Variants in PBX1 observed in about 807,000 individuals in gnomAD.
PBX1 encodes the protein PBX homeobox 1.
PBX1 carries 6 observed loss-of-function variants against 53.4 expected under a neutral mutation model. That is an observed-to-expected ratio of 0.11 (90% CI 0.06 to 0.22). The LOEUF (loss-of-function observed/expected upper bound fraction) is 0.22, where lower values mean the gene tolerates loss of function less well. Ranked by LOEUF, PBX1 falls within the 10% of genes least tolerant of loss-of-function variation. PBX1 has a pLI of 1.00. For synonymous variants in PBX1, 204 were observed against 212.3 expected (o/e 0.96, Z 0.34); for missense variants, 251 against 551.4 (o/e 0.46, Z 5.46).
chr1:164,725,736 A>C (rs940089792), intron 2 of PBX1, among the ~76,000 whole-genome samples: 1 of 152,162 alleles, frequency 6.6e-6, no homozygotes, highest in Non-Finnish European at 1.5e-5. Context: ...TTATGCTCCT[A>C]TAATGTCTGG....
chr1:164,781,409 A>G (rs1193704976), intron 2 of PBX1, among the ~76,000 whole-genome samples: 1 of 152,146 alleles, frequency 6.6e-6, no homozygotes, highest in South Asian at 2.1e-4. Flanking sequence ...TTATTAGTAT[A>G]GTGTAAGGAA....
downstream of PBX1, among the ~76,000 whole-genome samples, chr1:164,854,543 G>A (rs1458094051): frequency 2.0e-5 from 3 of 152,132 alleles, no homozygotes; most frequent in Non-Finnish European, 4.4e-5. Flanking sequence ...GCTTTGGGGA[G>A]TTCCCTCTCA....
intron 6 of PBX1, chr1:164,819,097 T>C (rs1175103587): frequency 6.6e-6 from 1 of 152,226 alleles, no homozygotes; most frequent in East Asian, 1.9e-4. Context: ...CGTTGAGCTT[T>C]CTTTCCTAAT....
intron 2 of PBX1, among the ~76,000 whole-genome samples, chr1:164,879,610 C>A (rs1672597754): frequency 6.6e-6 from 1 of 152,156 alleles, no homozygotes; most frequent in Non-Finnish European, 1.5e-5. Flanking sequence ...TAGGACACAG[C>A]TCAACTCATG....
intron 5 of PBX1, among the ~76,000 whole-genome samples, chr1:164,810,867 T>TA (rs911818848): frequency 3.9e-5 from 6 of 152,244 alleles, no homozygotes; most frequent in African/African-American, 1.4e-4. Context: ...GATTTTTTTT[T>TA]AAAAAAGAAA....
chr1:164,802,026 T>C (rs1203140954), intron 4 of PBX1, among the ~76,000 whole-genome samples: 1 of 152,198 alleles, frequency 6.6e-6, no homozygotes, highest in African/African-American at 2.4e-5. Context: ...CTCTAAACCA[T>C]GCATCTGATG....
intron 2 of PBX1, among the ~76,000 whole-genome samples, chr1:164,868,289 G>A (rs182226297): frequency 3.4e-4 from 52 of 152,252 alleles, no homozygotes; most frequent in African/African-American, 1.2e-3. Context: ...CACGCAGTGG[G>A]CAGGAATTTG....
chr1:164,677,679 G>A (rs1334460136), intron 2 of PBX1, among the ~76,000 whole-genome samples: 2 of 152,110 alleles, frequency 1.3e-5, no homozygotes, highest in Non-Finnish European at 1.5e-5. Context: ...ATGGGGTGAA[G>A]AAATGGGGCA....
At chr1:164,653,028 G>A (rs1351536945) in intron 2 of PBX1, among the ~76,000 whole-genome samples, 8 of 151,772 alleles carry the variant, frequency 5.3e-5, no homozygotes, top group Non-Finnish European at 7.4e-5. Context: ...CACCACACCC[G>A]GCTAATTTTT....
intron 2 of PBX1, among the ~76,000 whole-genome samples, chr1:164,880,023 C>T (rs962943180): frequency 6.6e-6 from 1 of 152,068 alleles, no homozygotes; most frequent in African/African-American, 2.4e-5. Flanking sequence ...CTGAATAAAC[C>T]GTTGTGCCTC....
chr1:164,870,445 A>T (rs1672355951), intron 2 of PBX1, among the ~76,000 whole-genome samples: 1 of 151,604 alleles, frequency 6.6e-6, no homozygotes, highest in Non-Finnish European at 1.5e-5. Context: ...CCTGGGTTCA[A>T]GCAATTCTCT....
At chr1:164,710,309 GAA>G (rs1357840664) in intron 2 of PBX1, among the ~76,000 whole-genome samples, 1 of 152,078 alleles carries the variant, frequency 6.6e-6, no homozygotes, top group Non-Finnish European at 1.5e-5. Flanking sequence ...TTTCTTATAA[GAA>G]AGACTCCAGA....
intron 8 of PBX1, among the ~76,000 whole-genome samples, chr1:164,840,248 C>A (rs1364443312): frequency 1.3e-5 from 2 of 152,188 alleles, no homozygotes; most frequent in African/African-American, 4.8e-5. Context: ...TGGTACCAAA[C>A]TAGGCCAGAA....
At chr1:164,866,656 C>A (rs1672226949) in intron 2 of PBX1, among the ~76,000 whole-genome samples, 2 of 152,148 alleles carry the variant, frequency 1.3e-5, no homozygotes, top group African/African-American at 4.8e-5. Flanking sequence ...TAACTGTAAC[C>A]ATGACTTAGA....
At position 164,784,031 on chromosome 1, in the gene PBX1, T is replaced by C. The variant is rs144534335; in HGVS notation, c.266-8463T>C. On this transcript the variant is annotated intron_variant, in intron 2 of 8. Transcript: ENST00000420696. ...CAAGTTGCCGACCAATGGCTCCACA[T>C]TTTTCATGCTTTTTATGTGTAACTA... 2.6e-5 allele frequency among the ~76,000 whole-genome samples: 4 copies of C among 152,334 alleles called. 1 individual carries two copies. Among genetic ancestry groups the C allele is most frequent in the Non-Finnish European group, 5.9e-5 (4 of 68,028 alleles).
intron 2 of PBX1, among the ~76,000 whole-genome samples, chr1:164,699,212 G>A (rs191753954): frequency 1.3e-5 from 2 of 152,242 alleles, no homozygotes; most frequent in East Asian, 3.9e-4. Flanking sequence ...TATCTACCTA[G>A]ATATTTTTTA....
chr1:164,794,126 C>T lies in PBX1; in HGVS notation c.510+1388C>T, dbSNP rs913912070. Among the ~76,000 whole-genome samples the T allele has an allele frequency of 2.0e-5, 3 of 151,998 alleles. No homozygotes were observed. In the East Asian group the frequency reaches 5.8e-4, roughly 29 times the overall value. ...CTGACCTCAGGTGATCCACCTGCTT[C>T]GGCCTTCTAAAGTGCTGGGATTATA... On this transcript the variant is annotated intron_variant, in intron 3 of 8. Transcript: ENST00000420696.
intron 2 of PBX1, among the ~76,000 whole-genome samples, chr1:164,668,820 A>G (rs1382107673): frequency 6.6e-6 from 1 of 152,228 alleles, no homozygotes; most frequent in Non-Finnish European, 1.5e-5. Context: ...ATATCCTTGA[A>G]TGGGCCGCAT....
At chr1:164,613,996 T>TC (rs896981277) in intron 2 of PBX1, among the ~76,000 whole-genome samples, 1 of 151,900 alleles carries the variant, frequency 6.6e-6, no homozygotes, top group Non-Finnish European at 1.5e-5. Flanking sequence ...GCAGATCAAC[T>TC]CCATCAACTC....
Sources: gnomAD v4.1 joint callset for allele counts (sites outside exome capture counted in the v4.1 genomes callset) on GRCh38, gnomAD v4.1.1 for gene constraint, MANE v1.5 for transcripts, NCBI Gene and HGNC (gene_info 2026-07-23, HGNC 2026-07-21) for gene names.